DLGAP1: variants seen among roughly 807,000 people sequenced by gnomAD.
DLGAP1 encodes disks large-associated protein 1.
In DLGAP1, 11 loss-of-function variants were observed where a neutral mutation model predicts 90.8. That is an observed-to-expected ratio of 0.12 (90% CI 0.08 to 0.20). DLGAP1 has a LOEUF of 0.20. Among genes scored for constraint, DLGAP1 ranks in the 10% least tolerant of loss-of-function variants. DLGAP1 has a pLI of 1.00. For synonymous variants in DLGAP1, 558 were observed against 540.7 expected, an observed-to-expected ratio of 1.03 and a Z score of -0.44; for missense variants, 1,050 against 1,333.8, an observed-to-expected ratio of 0.79 and a Z score of 3.31.
At chr18:3,549,746 G>C (rs2053272767) in intron 9 of DLGAP1, among the ~76,000 whole-genome samples, 1 of 152,026 alleles carries the variant, frequency 6.6e-6, no homozygotes, top group African/African-American at 2.4e-5. Flanking sequence ...TGTTTTTTAT[G>C]ACTATATTGT....
rs80277850 is a variant in DLGAP1 at position 3,782,813 on chromosome 18, C to T, written c.1172+31246G>A. ...CTTGTTTTTTAAATGTTGGACTTCA[C>T]CAAAATTAAAAATTTTTGTGAGTCA... On this transcript the variant is annotated intron_variant, in intron 5 of 12. Transcript: ENST00000315677. Among the ~76,000 whole-genome samples, 541 of 152,134 alleles carry T rather than the reference C, an allele frequency of 3.6e-3. 4 individuals carry two copies. Among genetic ancestry groups the T allele is most frequent in the African/African-American group, 0.012 (494 of 41,506 alleles).
intron 3 of DLGAP1, among the ~76,000 whole-genome samples, chr18:3,950,381 C>T (rs867933574): frequency 3.3e-5 from 5 of 152,318 alleles, no homozygotes; most frequent in Middle Eastern, 3.4e-3. Flanking sequence ...AGTCAAATCC[C>T]CTCTGGAACA....
intron 7 of DLGAP1, among the ~76,000 whole-genome samples, chr18:3,715,389 A>G (rs1014810757): frequency 2.0e-5 from 3 of 152,210 alleles, no homozygotes; most frequent in Non-Finnish European, 4.4e-5. Flanking sequence ...CACTATTCCT[A>G]CTAGAGCTTG....
intron 1 of DLGAP1, among the ~76,000 whole-genome samples, chr18:4,233,947 A>G (rs2078350788): frequency 1.3e-5 from 2 of 152,124 alleles, no homozygotes; most frequent in Non-Finnish European, 2.9e-5. Context: ...ATACTACATC[A>G]TACGTTTTTA....
At chr18:3,803,796 C>T (rs140628577) in intron 5 of DLGAP1, among the ~76,000 whole-genome samples, 294 of 151,648 alleles carry the variant, frequency 1.9e-3, no homozygotes, top group African/African-American at 6.4e-3. Flanking sequence ...AAAATCAACT[C>T]GAAATTCCTT....
chr18:4,243,724 C>A (rs2078593877), intron 1 of DLGAP1, among the ~76,000 whole-genome samples: 1 of 152,118 alleles, frequency 6.6e-6, no homozygotes, highest in Non-Finnish European at 1.5e-5. Flanking sequence ...ATCTCCTTGG[C>A]ATCAGAAATG....
chr18:4,120,997 A>T (rs2076145719), intron 2 of DLGAP1, among the ~76,000 whole-genome samples: 1 of 152,136 alleles, frequency 6.6e-6, no homozygotes, highest in East Asian at 1.9e-4. Flanking sequence ...GTGGGCACAG[A>T]CAGTGAATGC....
intron 3 of DLGAP1, among the ~76,000 whole-genome samples, chr18:3,933,936 G>T (rs903473559): frequency 6.6e-6 from 1 of 152,076 alleles, no homozygotes; most frequent in African/African-American, 2.4e-5. Flanking sequence ...CTGTCAAAGG[G>T]CATCAATGAG....
chr18:3,637,475 T>C (rs535498714), intron 7 of DLGAP1, among the ~76,000 whole-genome samples: 7 of 150,552 alleles, frequency 4.6e-5, no homozygotes, highest in Non-Finnish European at 7.4e-5. Context: ...GCCTCACAAC[T>C]GTAATCCCAG....
At chr18:3,754,197 T>G (rs774343485) in intron 5 of DLGAP1, among the ~76,000 whole-genome samples, 19 of 152,078 alleles carry the variant, frequency 1.2e-4, no homozygotes, top group Non-Finnish European at 2.1e-4. Context: ...GAGATGAGGT[T>G]TCACCATGTT....
chr18:3,795,944 G>T (rs960932863), intron 5 of DLGAP1, among the ~76,000 whole-genome samples: 1 of 152,126 alleles, frequency 6.6e-6, no homozygotes, highest in Non-Finnish European at 1.5e-5. Flanking sequence ...TGAGCAGGTG[G>T]AATGAGCAGA....
intron 9 of DLGAP1, among the ~76,000 whole-genome samples, chr18:3,556,324 C>G (rs2053747884): frequency 6.6e-6 from 1 of 152,074 alleles, no homozygotes; most frequent in African/African-American, 2.4e-5. Flanking sequence ...CCATGGTTTA[C>G]AGTAGGGTTA....
At chr18:3,933,003 G>A (rs2072553001) in intron 3 of DLGAP1, among the ~76,000 whole-genome samples, 2 of 152,284 alleles carry the variant, frequency 1.3e-5, no homozygotes, top group Middle Eastern at 3.4e-3. Flanking sequence ...GTCCAAACGA[G>A]TTCCCCACTT....
intron 1 of DLGAP1, among the ~76,000 whole-genome samples, chr18:4,376,152 C>T (rs1182273604): frequency 6.6e-6 from 1 of 152,116 alleles, no homozygotes; most frequent in Non-Finnish European, 1.5e-5. Context: ...TGCTTGGCAT[C>T]TATAAAGGAA....
chr18:3,771,273 A>C (rs779452754), intron 5 of DLGAP1: 1 of 152,284 alleles, frequency 6.6e-6, no homozygotes, highest in Non-Finnish European at 1.5e-5. Flanking sequence ...TCTCTCTTCT[A>C]ACCCCTGGGT....
chr18:3,618,938 CA>C (rs35538124), intron 7 of DLGAP1, among the ~76,000 whole-genome samples: 74,790 of 131,904 alleles, frequency 0.57, 20,466 homozygotes, highest in East Asian at 0.8. Context: ...GACTCCGTCT[CA>C]AAAAAAAAAA....
intron 3 of DLGAP1, among the ~76,000 whole-genome samples, chr18:3,958,258 T>C (rs1026135213): frequency 6.6e-6 from 1 of 151,928 alleles, no homozygotes; most frequent in South Asian, 2.1e-4. Flanking sequence ...GCAGGGGTTA[T>C]GTATGCCTGT....
intron 9 of DLGAP1, among the ~76,000 whole-genome samples, chr18:3,553,552 GAGACAGA>G (rs1434320969): frequency 6.6e-6 from 1 of 151,922 alleles, no homozygotes; most frequent in African/African-American, 2.4e-5. Flanking sequence ...TTGTTTGTTT[GAGACAGA>G]GTCTCACTCT....
At chr18:3,994,053 G>A (rs1048162415) in intron 3 of DLGAP1, among the ~76,000 whole-genome samples, 2 of 152,102 alleles carry the variant, frequency 1.3e-5, no homozygotes, top group Non-Finnish European at 2.9e-5. Flanking sequence ...CCCTTGAAGC[G>A]TAAAACTCTG....
Sources: allele counts gnomAD v4.1 joint callset (sites outside exome capture counted in the v4.1 genomes callset), GRCh38; gene constraint gnomAD v4.1.1; transcripts MANE v1.5; gene names NCBI Gene and HGNC (gene_info 2026-07-23, HGNC 2026-07-21).